The following ZNF268 variants were observed in gnomAD, a reference collection of about 807,000 sequenced individuals.
ZNF268 encodes the protein zinc finger protein 268.
ZNF268 carries 20 observed loss-of-function variants against 29.3 expected under a neutral mutation model. That is an observed-to-expected ratio of 0.68 (90% confidence interval 0.48 to 0.99). The LOEUF (loss-of-function observed/expected upper bound fraction) is 0.99. Ranked by LOEUF, ZNF268 falls within the 50% of genes least tolerant of loss-of-function variation. The pLI is 0.00. For missense variants in ZNF268, 1,240 were observed against 1,121.6 expected (o/e 1.11, Z -1.51); for synonymous variants, 429 against 376.9 (o/e 1.14, Z -1.60).
chr12:133,210,374 G>A lies in ZNF268; in HGVS notation c.*5844G>A, dbSNP rs954103058. The A allele has an allele frequency of 3.3e-5, 6 of 180,060 alleles. No homozygotes were observed. The highest frequency in any genetic ancestry group is 1.3e-4 in the East Asian group (1 of 7,644). 11.2% of individuals were successfully genotyped at this position (180,060 alleles called of 1,614,324 possible). A position where few individuals can be genotyped will look rare whatever the true frequency, so the allele number is the denominator to read the frequency against. ...CCCCACCACGGGTCAGTCCTGAGGA[G>A]GATACTCTGGTCATCACTGTGATCT... On this transcript the variant is annotated 3_prime_UTR_variant, in exon 6 of 6. Coordinates refer to ENST00000536435, the MANE Select transcript of ZNF268 (RefSeq NM_003415.3).
chr12:133,188,132 C>T (rs1434618876), intron 3 of ZNF268, 60 bp downstream of exon 3: 34 of 1,373,230 alleles, frequency 2.5e-5, no homozygotes, highest in Non-Finnish European at 2.2e-5. Flanking sequence ...TTTTTTGGTG[C>T]AGAGAGGGAT....
chr12:133,207,615 CTGGCCAACA>C lies in ZNF268; in HGVS notation c.*3089_*3097del, dbSNP rs1448995069. ...CTGAGGTCAGGAGTTTGAGACCAGC[CTGGCCAACA>C]TGGTGAAACCCCTCTCTACTAAAAA... On this transcript the variant is annotated 3_prime_UTR_variant, in exon 6 of 6. Transcript: ENST00000536435. The C allele has an allele frequency of 6.6e-6, 1 of 152,128 alleles. No individual in the cohort carries two copies. Among genetic ancestry groups the C allele is most frequent in the Non-Finnish European group, 1.5e-5 (1 of 68,046 alleles). 9.4% of individuals were successfully genotyped at this position (152,128 alleles called of 1,614,324 possible). A position where few individuals can be genotyped will look rare whatever the true frequency, so the allele number is the denominator to read the frequency against.
chr12:133,184,921 C>T (rs149155265), intron 2 of ZNF268, among the ~76,000 whole-genome samples: 2 of 152,256 alleles, frequency 1.3e-5, no homozygotes, highest in Admixed American at 6.5e-5. Flanking sequence ...TGGTGGGTCA[C>T]GCCTGTAGTC....
Position 133,204,450 on chromosome 12 carries a change from T to C in ZNF268, c.2764T>C (p.Cys922Arg). ...ACATACAGGAGAGAAGCCTTGTAAG[T>C]GCACTGAATGTGGGAAAGCCTTTTG... The part of the protein sequence containing the change: ...RTHTGEKPCK[C>R]TECGKAFCWK... The change falls in exon 6 of 6, where the codon TGC becomes CGC. Residue 922 changes from cysteine (C) to arginine (R), a missense_variant. By Grantham distance (180) the Cys-to-Arg change is radical. Coordinates refer to ENST00000536435, the MANE Select transcript of ZNF268 (RefSeq NM_003415.3). 1 of 1,558,938 alleles carries C rather than the reference T, an allele frequency of 6.4e-7. No individual in the cohort carries two copies. Among genetic ancestry groups the C allele is most frequent in the South Asian group, 1.2e-5 (1 of 85,770 alleles).
chr12:133,185,163 G>C (rs1304134911), intron 2 of ZNF268, among the ~76,000 whole-genome samples: 1 of 144,486 alleles, frequency 6.9e-6, no homozygotes, highest in African/African-American at 2.5e-5. Flanking sequence ...CCAATCTGGC[G>C]ACAGAGTGAG....
At position 133,209,820 on chromosome 12, in the gene ZNF268, TAATA is replaced by T. The variant is rs1446549857; in HGVS notation, c.*5293_*5296del. On this transcript the variant is annotated 3_prime_UTR_variant, in exon 6 of 6. Transcript: ENST00000536435. ...AGAGTGAGACTCCTTCAAAAAAAAT[TAATA>T]AAAGCAAGCACATAGGGTGCACATT... The T allele has an allele frequency of 6.6e-6, 1 of 152,112 alleles. No individual in the cohort carries two copies. Among genetic ancestry groups the T allele is most frequent in the African/African-American group, 2.4e-5 (1 of 41,442 alleles). The allele number at this position is 152,112 out of a possible 1,614,324, so 9.4% of individuals were successfully genotyped here. A position where few individuals can be genotyped will look rare whatever the true frequency, so the allele number is the denominator to read the frequency against.
In ZNF268 at chr12:133,203,702, A is replaced by G. The variant is rs373819224; in HGVS notation, c.2016A>G (p.Gln672=). ...HTGVKPYGCS[Q]CAKTFSLKSQ... is the part of the protein sequence containing the mutation. ...GAGTAAAACCCTATGGATGCAGTCAATGTGCAAAAACCTTTAGTTTGAAGT... is the reference window on the plus strand; with the variant it reads ...GAGTAAAACCCTATGGATGCAGTCAGTGTGCAAAAACCTTTAGTTTGAAGT... The change falls in exon 6 of 6, where the codon CAA becomes CAG. Residue 672 remains glutamine, a synonymous_variant. Transcript: ENST00000536435. 6.8e-5 allele frequency: 105 copies of G among 1,546,822 alleles called. 1 individual carries two copies. Among genetic ancestry groups the G allele is most frequent in the East Asian group, 1.9e-4 (8 of 41,412 alleles).
chr12:133,191,542 G>T lies in ZNF268; in HGVS notation c.288G>T (p.Gln96His). The T allele has an allele frequency of 6.2e-7, 1 of 1,614,012 alleles. No homozygotes were observed. The highest frequency in any genetic ancestry group is 8.5e-7 in the Non-Finnish European group (1 of 1,179,938). The change falls in exon 4 of 6, where the codon CAG becomes CAT. Residue 96 changes from glutamine to histidine, a missense_variant. Physicochemically the swap from Gln to His is conservative, Grantham distance 24 (BLOSUM62 0). This residue lies in a region of ZNF268 where 1,177 missense variants were observed against 1,039.6 expected (regional missense o/e 1.13). Transcript: ENST00000536435. Reference sequence around the variant, plus strand: ...TGGATTTTACCTGGGAGGAGTGGCAGCTGCTAGACCCAGCACAGAAGTGCC... The same window carrying T: ...TGGATTTTACCTGGGAGGAGTGGCATCTGCTAGACCCAGCACAGAAGTGCC... ...VFVDFTWEEW[Q>H]LLDPAQKCLY...
At chr12:133,202,107 T>A in intron 5 of ZNF268, 37 bp from the exon 6 acceptor site, 1 of 1,493,536 alleles carries the variant, frequency 6.7e-7, no homozygotes, top group Non-Finnish European at 9.0e-7. Flanking sequence ...CGCAATCATG[T>A]GATTTATAAC....
Position 133,207,773 on chromosome 12 carries a change from ACTC to A in ZNF268, c.*3245_*3247del, listed in dbSNP as rs1956925251. ...CAGTGAGCTGAGATCGTACCACTGTACTCCACCCTGGGTGACAGAACTAGACCC... is the reference window on the plus strand; with the variant it reads ...CAGTGAGCTGAGATCGTACCACTGTACACCCTGGGTGACAGAACTAGACCC... On this transcript the variant is annotated 3_prime_UTR_variant, in exon 6 of 6. Transcript: ENST00000536435. 6.6e-6 allele frequency: 1 copy of A among 152,122 alleles called. No individual in the cohort carries two copies. The highest frequency in any genetic ancestry group is 2.1e-4 in the South Asian group (1 of 4,826). 9.4% of individuals were successfully genotyped at this position (152,122 alleles called of 1,614,324 possible).
In ZNF268 at chr12:133,204,331, A is replaced by G; in HGVS notation, c.2645A>G (p.His882Arg). 1 of 1,565,942 alleles carries G rather than the reference A, an allele frequency of 6.4e-7. No homozygotes were observed. The highest frequency in any genetic ancestry group is 8.6e-7 in the Non-Finnish European group (1 of 1,159,186). ...AFIRNSQLIV[H>R]QRTHSGEKPY... The stretch of plus-strand genomic sequence containing the variant: ...ATTAGGAATTCTCAACTCATTGTAC[A>G]TCAAAGAACTCATTCAGGAGAGAAA... Residue 882 changes from histidine to arginine, a missense_variant, in exon 6 of 6, where the codon CAT (histidine) becomes CGT (arginine). His to Arg is a conservative substitution (Grantham distance 29). Around this residue, in one of 3 missense-constraint regions of ZNF268, gnomAD observed 1,177 missense variants for 1,039.6 expected, o/e 1.13. Transcript: ENST00000536435.
chr12:133,205,827 T>C lies in ZNF268; in HGVS notation c.*1297T>C, dbSNP rs1593938615. The stretch of plus-strand genomic sequence containing the variant: ...GTATGTAGTCATGAGGGAACCACCA[T>C]TCAAGATGCCCTGCTCAGGACTTGG... On this transcript the variant is annotated 3_prime_UTR_variant, in exon 6 of 6. Transcript: ENST00000536435. 6.6e-6 allele frequency: 1 copy of C among 152,180 alleles called. No homozygotes were observed. Among genetic ancestry groups the C allele is most frequent in the East Asian group, 1.9e-4 (1 of 5,196 alleles). 9.4% of individuals were successfully genotyped at this position (152,180 alleles called of 1,614,324 possible).
In ZNF268 at chr12:133,203,378, C is replaced by A; in HGVS notation, c.1692C>A (p.Ala564=). The A allele has an allele frequency of 6.5e-7, 1 of 1,548,488 alleles. No homozygotes were observed. ...ATGAATGCCATGAATGTGGGAAAGCCTTCAGTCGGAAATACCAGCTTATTT... is the reference window on the plus strand; with the variant it reads ...ATGAATGCCATGAATGTGGGAAAGCATTCAGTCGGAAATACCAGCTTATTT... ...NPYECHECGK[A]FSRKYQLISH... is the part of the protein sequence containing the mutation. The change falls in exon 6 of 6, where the codon GCC becomes GCA. Residue 564 remains alanine (A), a synonymous_variant. Transcript: ENST00000536435.
At position 133,211,270 on chromosome 12, in the gene ZNF268, A is replaced by C. The variant is rs1956976244; in HGVS notation, c.*6740A>C. 2 of 352,680 alleles carry C rather than the reference A, an allele frequency of 5.7e-6. No homozygotes were observed. Among genetic ancestry groups the C allele is most frequent in the Non-Finnish European group, 1.1e-5 (2 of 180,434 alleles). 21.8% of individuals were successfully genotyped at this position (352,680 alleles called of 1,614,324 possible). A position where few individuals can be genotyped will look rare whatever the true frequency, so the allele number is the denominator to read the frequency against. The stretch of plus-strand genomic sequence containing the variant: ...CAATTAAAAATGGGGACAGATCCAA[A>C]TACATACTTTCCAAAGATATACAGA... On this transcript the variant is annotated 3_prime_UTR_variant, in exon 6 of 6. Transcript: ENST00000536435.
Position 133,207,772 on chromosome 12 carries a change from T to A in ZNF268, c.*3242T>A, listed in dbSNP as rs1210949413. 1 of 152,132 alleles carries A rather than the reference T, an allele frequency of 6.6e-6. No individual in the cohort carries two copies. Among genetic ancestry groups the A allele is most frequent in the East Asian group, 1.9e-4 (1 of 5,190 alleles). 9.4% of individuals were successfully genotyped at this position (152,132 alleles called of 1,614,324 possible). A position where few individuals can be genotyped will look rare whatever the true frequency, so the allele number is the denominator to read the frequency against. On this transcript the variant is annotated 3_prime_UTR_variant, in exon 6 of 6. Coordinates refer to ENST00000536435, the MANE Select transcript of ZNF268 (RefSeq NM_003415.3). ...GCAGTGAGCTGAGATCGTACCACTG[T>A]ACTCCACCCTGGGTGACAGAACTAG... is the stretch of plus-strand genomic sequence containing the variant.
chr12:133,210,740 C>A lies in ZNF268; in HGVS notation c.*6210C>A. On this transcript the variant is annotated 3_prime_UTR_variant, in exon 6 of 6. Coordinates refer to ENST00000536435, the MANE Select transcript of ZNF268 (RefSeq NM_003415.3). ...CAGGTCAGTCCTGAGGAGAAGGCAG[C>A]TCAGTCTTTACTGTGATGCAGCCTC... 2.3e-6 allele frequency: 1 copy of A among 436,008 alleles called. No individual in the cohort carries two copies. Among genetic ancestry groups the A allele is most frequent in the Non-Finnish European group, 4.7e-6 (1 of 213,516 alleles). 27.0% of individuals were successfully genotyped at this position (436,008 alleles called of 1,614,324 possible).
rs1198568246 is a variant in ZNF268, at chr12:133,205,932, TTTG to T, written c.*1405_*1407del. 1 of 152,212 alleles carries T rather than the reference TTTG, an allele frequency of 6.6e-6. No individual in the cohort carries two copies. The highest frequency in any genetic ancestry group is 1.5e-5 in the Non-Finnish European group (1 of 68,044). The allele number at this position is 152,212 out of a possible 1,614,324, so 9.4% of individuals were successfully genotyped here. A position where few individuals can be genotyped will look rare whatever the true frequency, so the allele number is the denominator to read the frequency against. On this transcript the variant is annotated 3_prime_UTR_variant, in exon 6 of 6. Transcript: ENST00000536435. Reference sequence around the variant, plus strand: ...CAAGTTCAGAAAAGCAACATGAGCTTTTGTTCTGTGGTAGCATGTTGATGTAAT... The same window carrying T: ...CAAGTTCAGAAAAGCAACATGAGCTTTTCTGTGGTAGCATGTTGATGTAAT...
In ZNF268 at chr12:133,212,499, G is replaced by GTATATATATATATATATATATGTA. The variant is rs1231250765; in HGVS notation, c.*7977_*7978insTATATATATATATGTATATATATA. 8.2e-5 allele frequency: 1 copy of GTATATATATATATATATATATGTA among 12,156 alleles called. No individual in the cohort carries two copies. Among genetic ancestry groups the GTATATATATATATATATATATGTA allele is most frequent in the African/African-American group, 3.4e-4 (1 of 2,948 alleles). The allele number at this position is 12,156 out of a possible 1,614,324, so 0.8% of individuals were successfully genotyped here. The stretch of plus-strand genomic sequence containing the variant: ...TATATATATATATATATATATATAT[G>GTATATATATATATATATATATGTA]TATATATACACACACACATACACAC... On this transcript the variant is annotated 3_prime_UTR_variant, in exon 6 of 6. Coordinates refer to ENST00000536435, the MANE Select transcript of ZNF268 (RefSeq NM_003415.3).
intron 2 of ZNF268, among the ~76,000 whole-genome samples, chr12:133,184,034 C>T (rs1205323231): frequency 6.6e-6 from 1 of 152,138 alleles, no homozygotes; most frequent in Non-Finnish European, 1.5e-5. Flanking sequence ...ATACTACTTT[C>T]TCACAATTCT....
Sources: gnomAD v4.1 joint callset for allele counts (sites outside exome capture counted in the v4.1 genomes callset) on GRCh38, gnomAD v4.1.1 for gene constraint, gnomAD v4.1.1 regional missense constraint, MANE v1.5 for transcripts, NCBI Gene and HGNC (gene_info 2026-07-23, HGNC 2026-07-21) for gene names.